MMP1: variants seen among roughly 807,000 people sequenced by gnomAD.
MMP1 encodes matrix metallopeptidase 1, also known as interstitial collagenase.
A neutral mutation model predicts 49.6 loss-of-function variants in MMP1; 51 were observed. That is an observed-to-expected ratio of 1.03 (90% CI 0.82 to 1.30). MMP1 has a LOEUF of 1.30. Among genes scored for constraint, MMP1 ranks in the 50% most tolerant of loss-of-function variants. The probability of loss-of-function intolerance (pLI) is 0.00; values close to 1 mark genes in which losing one functional copy is unlikely to be tolerated. For synonymous variants in MMP1, 230 were observed against 196.8 expected (o/e 1.17, Z -1.41); for missense variants, 623 against 568.7 (o/e 1.10, Z -0.97).
At chr11:102,792,177 T>C (rs1409149845) in intron 7 of MMP1, among the ~76,000 whole-genome samples, 22 of 152,234 alleles carry the variant, frequency 1.4e-4, no homozygotes, top group Admixed American at 1.4e-3. Context: ...TTGGCCCATC[T>C]GACCTGCATT....
chr11:102,797,729 A>C (rs920953255), intron 1 of MMP1, among the ~76,000 whole-genome samples: 19 of 152,154 alleles, frequency 1.2e-4, no homozygotes, highest in African/African-American at 4.6e-4. Context: ...ATTTTTGTAG[A>C]GCAAGATTTG....
chr11:102,790,841 T>C (rs575573103), intron 8 of MMP1, 35 bp from the exon 9 acceptor site: 1 of 1,158,822 alleles, frequency 8.6e-7, no homozygotes, highest in East Asian at 2.3e-5. Context: ...TCAGACCTTT[T>C]GCTAAACATG....
rs752018398 is a variant in MMP1 at position 102,797,979 on chromosome 11, A to G, written c.105+9T>C. ...TTTACATTATTGTCACATGCAATGC[A>G]GCATTTACCTGGACTAAGTCCACAT... On this transcript the variant is annotated intron_variant, in intron 1 of 9. Coordinates refer to ENST00000315274, the MANE Select transcript of MMP1 (RefSeq NM_002421.4). The G allele has an allele frequency of 8.2e-6, 13 of 1,589,948 alleles. No individual in the cohort carries two copies. The highest frequency in any genetic ancestry group is 1.7e-4 in the Middle Eastern group (1 of 6,014).
chr11:102,795,671 TAATA>T, intron 4 of MMP1, 64 bp from the exon 5 acceptor site: 1 of 1,346,652 alleles, frequency 7.4e-7, no homozygotes, highest in Non-Finnish European at 1.0e-6. Flanking sequence ...GGCATTTAAC[TAATA>T]AATAATTTAC....
intron 8 of MMP1, 129 bp from the exon 9 acceptor site, chr11:102,790,935 G>T (rs1382198741): frequency 6.2e-6 from 4 of 643,926 alleles, no homozygotes; most frequent in Non-Finnish European, 2.7e-6. Flanking sequence ...GTGAAATGGG[G>T]AGTGGATGGG....
At position 102,797,417 on chromosome 11, in the gene MMP1, T is replaced by G; in HGVS notation, c.189A>C (p.Lys63Asn). 1 of 1,614,214 alleles carries G rather than the reference T, an allele frequency of 6.2e-7. No homozygotes were observed. The highest frequency in any genetic ancestry group is 8.5e-7 in the Non-Finnish European group (1 of 1,180,030). Residue 63 changes from lysine (K) to asparagine (N), a missense_variant, in exon 2 of 10, where the codon AAA becomes AAC. Physicochemically the swap from Lys to Asn is moderately conservative, Grantham distance 94. Coordinates refer to ENST00000315274, the MANE Select transcript of MMP1 (RefSeq NM_002421.4). ...CAAAGAATTCCTGCATTTGCTTCAA[T>G]TTTTCAACCACTGGGCCACTATTTC... is the stretch of plus-strand genomic sequence containing the variant. ...KRRNSGPVVE[K>N]LKQMQEFFGL...
At position 102,794,431 on chromosome 11, in the gene MMP1, A is replaced by G. The variant is rs565112137; in HGVS notation, c.899+743T>C. Among the ~76,000 whole-genome samples the G allele has an allele frequency of 9.2e-5, 14 of 152,302 alleles. No individual in the cohort carries two copies. The East Asian group carries it at 2.5e-3, about 27-fold the overall frequency. Reference sequence around the variant, plus strand: ...TTTGCCTGATCCTTTAGGAATCACTATGGTACAGAGAGCAGGCCTCCTCCT... The same window carrying G: ...TTTGCCTGATCCTTTAGGAATCACTGTGGTACAGAGAGCAGGCCTCCTCCT... On this transcript the variant is annotated intron_variant, in intron 6 of 9. Coordinates refer to ENST00000315274, the MANE Select transcript of MMP1 (RefSeq NM_002421.4). This position sits in a 1 kb window ranked among gnomAD's most constrained non-coding sequence, Gnocchi z 4.3.
At position 102,792,227 on chromosome 11, in the gene MMP1, T is replaced by C. The variant is rs563603971; in HGVS notation, c.1033+378A>G. Among the ~76,000 whole-genome samples, 26 of 152,368 alleles carry C rather than the reference T, an allele frequency of 1.7e-4. No homozygotes were observed. The East Asian group carries it at 3.7e-3, about 21-fold the overall frequency. ...GAGTGTATGGCTGAGTCAAATGTCT[T>C]ACTCATTGTACTACGTTAAACACAC... is the stretch of plus-strand genomic sequence containing the variant. On this transcript the variant is annotated intron_variant, in intron 7 of 9. Coordinates refer to ENST00000315274, the MANE Select transcript of MMP1 (RefSeq NM_002421.4).
intron 6 of MMP1, among the ~76,000 whole-genome samples, chr11:102,793,542 T>C (rs1189753403): frequency 6.6e-6 from 1 of 152,196 alleles, no homozygotes; most frequent in Non-Finnish European, 1.5e-5. Context: ...GGACCATGAC[T>C]CTAATATCCT....
Position 102,798,025 on chromosome 11 carries a change from G to A in MMP1, c.68C>T (p.Thr23Ile), listed in dbSNP as rs143369245. The A allele has an allele frequency of 3.3e-5, 53 of 1,613,684 alleles. No individual in the cohort carries two copies. In the African/African-American group the frequency reaches 5.9e-4, roughly 18 times the overall value. ...CACATCTTGCTCTTGTGTTTCTAGA[G>A]TCGCTGGGAAGCTGTGAGACACCAC... The part of the protein sequence containing the change: ...WGVVSHSFPA[T>I]LETQEQDVDL... The change falls in exon 1 of 10, where the codon ACT becomes ATT. Residue 23 changes from threonine to isoleucine, a missense_variant. Physicochemically the swap from Thr to Ile is moderately conservative, Grantham distance 89 (BLOSUM62 -1). Transcript: ENST00000315274.
intron 3 of MMP1, 26 bp downstream of exon 3, chr11:102,796,988 G>A (rs373810419): frequency 1.9e-5 from 30 of 1,603,944 alleles, no homozygotes; most frequent in Non-Finnish European, 2.6e-5. Flanking sequence ...GCAAGGTGAG[G>A]TTAAGGTGCT....
intron 1 of MMP1, 34 bp from the exon 2 acceptor site, chr11:102,797,534 G>C: frequency 6.2e-7 from 1 of 1,608,466 alleles, no homozygotes; most frequent in Non-Finnish European, 8.5e-7. Context: ...CACTGCATGG[G>C]AAATCTTTCT....
intron 1 of MMP1, 90 bp downstream of exon 1, chr11:102,797,898 G>A: frequency 7.3e-6 from 7 of 957,814 alleles, no homozygotes; most frequent in Non-Finnish European, 3.0e-6. Context: ...CTCTTTATAA[G>A]AAACCTATCC....
intron 4 of MMP1, among the ~76,000 whole-genome samples, 157 bp downstream of exon 4, chr11:102,796,507 A>C (rs1185194216): frequency 6.6e-6 from 1 of 152,210 alleles, no homozygotes; most frequent in Non-Finnish European, 1.5e-5. Flanking sequence ...AGCAGAAAAG[A>C]CCGCTCTTTC....
In MMP1 at chr11:102,795,215, A is replaced by G; in HGVS notation, c.858T>C (p.Ala286=). ...KACDSKLTFD[A]ITTIRGEVMF... ...TCACTTCTCCCCGAATCGTAGTTAT[A>G]GCATCAAAGGTTAGCTTACTGTCAC... The change falls in exon 6 of 10, where the codon GCT becomes GCC. Residue 286 remains alanine, a synonymous_variant. Transcript: ENST00000315274. The G allele has an allele frequency of 6.2e-7, 1 of 1,614,136 alleles. No homozygotes were observed. The highest frequency in any genetic ancestry group is 8.5e-7 in the Non-Finnish European group (1 of 1,179,982).
chr11:102,797,771 C>A (rs774191604), intron 1 of MMP1, among the ~76,000 whole-genome samples: 12 of 151,674 alleles, frequency 7.9e-5, no homozygotes, highest in Non-Finnish European at 1.5e-4. Flanking sequence ...TTTGTGGAGA[C>A]AAGTTTGGAT....
intron 9 of MMP1, 23 bp from the exon 10 acceptor site, chr11:102,790,544 T>G (rs1247976123): frequency 1.4e-6 from 2 of 1,452,244 alleles, no homozygotes; most frequent in Non-Finnish European, 9.6e-7. Flanking sequence ...CAAAAGAGAC[T>G]TACTACATTA....
At position 102,791,426 on chromosome 11, in the gene MMP1, A is replaced by C. The variant is rs1229212175; in HGVS notation, c.1103T>G (p.Phe368Cys). The change falls in exon 8 of 10, where the codon TTT (phenylalanine) becomes TGT (cysteine). Residue 368 changes from phenylalanine to cysteine, a missense_variant. Transcript: ENST00000315274. The stretch of plus-strand genomic sequence containing the variant: ...ATGCTTCACAGTTCTAGGGAAGCCA[A>C]AGGAGCTGTAGATGTCCTTGGGGTA... ...HGYPKDIYSS[F>C]GFPRTVKHID... 1 of 1,613,960 alleles carries C rather than the reference A, an allele frequency of 6.2e-7. No individual in the cohort carries two copies. Among genetic ancestry groups the C allele is most frequent in the African/African-American group, 1.3e-5 (1 of 74,944 alleles).
chr11:102,795,043 TG>T (rs1190059901), intron 6 of MMP1, 130 bp downstream of exon 6: 5 of 779,004 alleles, frequency 6.4e-6, no homozygotes, highest in Non-Finnish European at 1.1e-5. Context: ...CAAATGCATG[TG>T]GTTGCTACCA....
Sources: gnomAD v4.1 joint callset for allele counts (sites outside exome capture counted in the v4.1 genomes callset) on GRCh38, gnomAD v4.1.1 for gene constraint, Gnocchi (gnomAD v3.1) non-coding constraint, MANE v1.5 for transcripts, NCBI Gene and HGNC (gene_info 2026-07-23, HGNC 2026-07-21) for gene names.